The following KCNT2 variants were observed in gnomAD, a reference collection of about 807,000 sequenced individuals.
The protein encoded by KCNT2 is potassium sodium-activated channel subfamily T member 2, also known as potassium channel subfamily T member 2.
KCNT2 carries 67 observed loss-of-function variants against 153.8 expected under a neutral mutation model. That is an observed-to-expected ratio of 0.44 (90% CI 0.36 to 0.53). The LOEUF (loss-of-function observed/expected upper bound fraction) is 0.53. KCNT2 is among the 20% of genes least tolerant of loss of function. KCNT2 has a pLI of 0.00. For synonymous variants in KCNT2, 500 were observed against 458.8 expected, an observed-to-expected ratio of 1.09 and a Z score of -1.15; for missense variants, 975 against 1,354.8, an observed-to-expected ratio of 0.72 and a Z score of 4.40.
At chr1:196,458,691 G>T in intron 8 of KCNT2, among the ~76,000 whole-genome samples, 1 of 151,882 alleles carries the variant, frequency 6.6e-6, no homozygotes, top group South Asian at 2.1e-4. Context: ...TGTTTTATAA[G>T]GAAAACATTA....
intron 14 of KCNT2, among the ~76,000 whole-genome samples, chr1:196,345,077 C>T (rs1666025837): frequency 6.6e-6 from 1 of 152,016 alleles, no homozygotes; most frequent in South Asian, 2.1e-4. Context: ...TTATTGAGCA[C>T]CTGTGAAACG....
intron 12 of KCNT2, among the ~76,000 whole-genome samples, chr1:196,411,033 TCCTC>T (rs375863076): frequency 0.052 from 6,107 of 116,852 alleles, 307 homozygotes; most frequent in Non-Finnish European, 0.078. Context: ...CTTCCCACCT[TCCTC>T]CCTCCCTCCC....
chr1:196,382,025 C>A (rs2148372021), intron 13 of KCNT2, among the ~76,000 whole-genome samples: 1 of 152,104 alleles, frequency 6.6e-6, no homozygotes, highest in Admixed American at 6.5e-5. Flanking sequence ...TATACAGATA[C>A]TTTGCCTGCT....
At chr1:196,285,890 C>T in intron 22 of KCNT2, 132 bp from the exon 23 acceptor site, 1 of 603,732 alleles carries the variant, frequency 1.7e-6, no homozygotes, top group South Asian at 2.1e-5. Flanking sequence ...GTCATTACTT[C>T]ACTGATAATC....
intron 1 of KCNT2, among the ~76,000 whole-genome samples, chr1:196,572,686 T>G (rs1205411799): frequency 6.6e-6 from 1 of 152,070 alleles, no homozygotes; most frequent in Non-Finnish European, 1.5e-5. Flanking sequence ...TTGAGTACTA[T>G]GATGCATTTA....
chr1:196,489,696 T>C, intron 3 of KCNT2, 142 bp downstream of exon 3: 1 of 550,906 alleles, frequency 1.8e-6, no homozygotes, highest in Non-Finnish European at 3.2e-6. Context: ...GTAGTGCCTG[T>C]AAATCGATCA....
intron 22 of KCNT2, among the ~76,000 whole-genome samples, chr1:196,299,954 T>C (rs1401728433): frequency 1.3e-5 from 2 of 152,180 alleles, no homozygotes; most frequent in Non-Finnish European, 2.9e-5. Flanking sequence ...TGCAGCAACA[T>C]GGATGGTTTC....
chr1:196,476,889 A>G (rs1678580944), intron 5 of KCNT2, among the ~76,000 whole-genome samples: 1 of 152,120 alleles, frequency 6.6e-6, no homozygotes, highest in Admixed American at 6.5e-5. Flanking sequence ...TTGACACTCA[A>G]TTGTATTCCA....
chr1:196,466,404 G>A (rs1211534835), intron 7 of KCNT2, among the ~76,000 whole-genome samples: 5 of 151,892 alleles, frequency 3.3e-5, no homozygotes, highest in African/African-American at 4.8e-5. Flanking sequence ...GTGGTTACTC[G>A]ATATAAATGT....
chr1:196,434,406 T>C (rs543387904), intron 8 of KCNT2, among the ~76,000 whole-genome samples: 2 of 152,146 alleles, frequency 1.3e-5, no homozygotes, highest in East Asian at 3.9e-4. Context: ...AATTCAAATA[T>C]ATATTTTCTA....
At chr1:196,529,631 C>A (rs1207273399) in intron 1 of KCNT2, among the ~76,000 whole-genome samples, 1 of 152,074 alleles carries the variant, frequency 6.6e-6, no homozygotes, top group Non-Finnish European at 1.5e-5. Context: ...TCAGCTTCAG[C>A]AGCTGATTCT....
At chr1:196,477,310 A>G (rs1393881347) in intron 5 of KCNT2, among the ~76,000 whole-genome samples, 2 of 152,076 alleles carry the variant, frequency 1.3e-5, no homozygotes, top group Non-Finnish European at 2.9e-5. Flanking sequence ...AGAGGGACAG[A>G]TGCAGTGGCT....
chr1:196,453,866 T>G (rs988355109), intron 8 of KCNT2, among the ~76,000 whole-genome samples: 2 of 151,996 alleles, frequency 1.3e-5, no homozygotes, highest in Admixed American at 1.3e-4. Context: ...AGCATTATCT[T>G]TCTCTACTTG....
intron 1 of KCNT2, among the ~76,000 whole-genome samples, chr1:196,593,227 A>G (rs1480634127): frequency 6.7e-6 from 1 of 149,180 alleles, no homozygotes; most frequent in East Asian, 2.0e-4. Context: ...CTCTAATTCC[A>G]TCCAGGTTGC....
At chr1:196,577,081 T>C (rs192779064) in intron 1 of KCNT2, among the ~76,000 whole-genome samples, 1 of 152,246 alleles carries the variant, frequency 6.6e-6, no homozygotes. Context: ...TTATTAACTG[T>C]TTATGAAAAT....
At chr1:196,339,186 A>G (rs1665345136) in intron 16 of KCNT2, among the ~76,000 whole-genome samples, 1 of 152,060 alleles carries the variant, frequency 6.6e-6, no homozygotes, top group Non-Finnish European at 1.5e-5. Context: ...AAGTGACCAC[A>G]CAATGAAAAT....
intron 26 of KCNT2, among the ~76,000 whole-genome samples, chr1:196,242,240 A>T (rs1310418921): frequency 6.6e-6 from 1 of 152,150 alleles, no homozygotes; most frequent in Admixed American, 6.5e-5. Context: ...TAAATAGAAT[A>T]TTCATTGCAT....
chr1:196,517,776 G>A (rs1652799560), intron 1 of KCNT2, among the ~76,000 whole-genome samples: 2 of 152,246 alleles, frequency 1.3e-5, no homozygotes, highest in South Asian at 4.1e-4. Flanking sequence ...TATGTAAAGA[G>A]GCTAAATAGA....
At chr1:196,385,758 T>C (rs1669915208) in intron 13 of KCNT2, among the ~76,000 whole-genome samples, 1 of 111,096 alleles carries the variant, frequency 9.0e-6, no homozygotes, top group Admixed American at 1.0e-4. Flanking sequence ...ATGGCACCAT[T>C]TCTGCATTAA....
Sources: gnomAD v4.1 joint callset for allele counts (sites outside exome capture counted in the v4.1 genomes callset) on GRCh38, gnomAD v4.1.1 for gene constraint, MANE v1.5 for transcripts, NCBI Gene and HGNC (gene_info 2026-07-23, HGNC 2026-07-21) for gene names.